SH2D4A: variants seen among roughly 807,000 people sequenced by gnomAD.
SH2D4A encodes the protein SH2 domain containing 4A, also known as SH2 domain-containing protein 4A.
Under a neutral mutation model 64.7 loss-of-function variants are expected in SH2D4A, and 70 were observed. The ratio of observed to expected loss-of-function variants is 1.08; its 90% CI spans 0.89 to 1.32. The LOEUF is 1.32. Ranked by LOEUF, SH2D4A falls within the 40% of genes most tolerant of loss-of-function variation. The probability of loss-of-function intolerance (pLI) is 0.00; values close to 1 mark genes in which losing one functional copy is unlikely to be tolerated. For missense variants in SH2D4A, 706 were observed against 540.1 expected (o/e 1.31, Z -3.04); for synonymous variants, 268 against 200.7 (o/e 1.34, Z -2.83).
intron 4 of SH2D4A, among the ~76,000 whole-genome samples, chr8:19,341,029 A>G (rs2052521599): frequency 6.6e-6 from 1 of 152,226 alleles, no homozygotes; most frequent in Admixed American, 6.5e-5. Flanking sequence ...CAAATGTTCA[A>G]AGAGATTAAG....
chr8:19,376,899 T>C (rs1018470022), intron 8 of SH2D4A, among the ~76,000 whole-genome samples: 15 of 152,296 alleles, frequency 9.8e-5, no homozygotes, highest in Admixed American at 9.1e-4. Flanking sequence ...ACCACAGGCA[T>C]GAAAGATCAT....
chr8:19,351,495 C>T (rs1047357881), intron 4 of SH2D4A, among the ~76,000 whole-genome samples: 13 of 151,764 alleles, frequency 8.6e-5, no homozygotes, highest in Non-Finnish European at 1.5e-4. Context: ...CCCAGCTACT[C>T]GGGAGGCTGA....
chr8:19,373,717 A>T (rs995890755), intron 8 of SH2D4A, 57 bp downstream of exon 8: 1 of 1,535,450 alleles, frequency 6.5e-7, no homozygotes, highest in Admixed American at 1.9e-5. Flanking sequence ...AAGCTGTGCT[A>T]ATCTACCAGG....
At chr8:19,382,331 G>C (rs1420602244) in intron 8 of SH2D4A, among the ~76,000 whole-genome samples, 4 of 152,150 alleles carry the variant, frequency 2.6e-5, no homozygotes, top group African/African-American at 9.6e-5. Context: ...TCAGTATTTT[G>C]AATATGCAGA....
chr8:19,368,665 A>G (rs1051951121), intron 7 of SH2D4A, among the ~76,000 whole-genome samples: 3 of 135,956 alleles, frequency 2.2e-5, no homozygotes, highest in Non-Finnish European at 4.7e-5. Flanking sequence ...TAGAGATGCT[A>G]CTGATTTTTG....
intron 3 of SH2D4A, 78 bp downstream of exon 3, chr8:19,333,192 A>C: frequency 2.0e-6 from 3 of 1,484,836 alleles, no homozygotes; most frequent in African/African-American, 1.4e-5. Flanking sequence ...CCTCTTGCTC[A>C]CAGTATCAGG....
At chr8:19,321,205 T>A (rs1585142944) in intron 2 of SH2D4A, among the ~76,000 whole-genome samples, 1 of 7,126 alleles carries the variant, frequency 1.4e-4, no homozygotes, top group East Asian at 2.4e-3. Flanking sequence ...GAGAAGTTCA[T>A]TTTTTTTTTT....
chr8:19,357,253 C>A lies in SH2D4A; in HGVS notation c.564C>A (p.Ile188=). 1.2e-6 allele frequency: 2 copies of A among 1,613,978 alleles called. No individual in the cohort carries two copies. Among genetic ancestry groups the A allele is most frequent in the Middle Eastern group, 3.3e-4 (2 of 6,062 alleles). ...RNIQQMLADS[I]NRMKAYAFHQ... is the part of the protein sequence containing the mutation. ...TTCAACAAATGTTGGCAGATTCAAT[C>A]AATCGTATGAAGGCATATGCATTTC... The change falls in exon 5 of 10, where the codon ATC becomes ATA. Residue 188 remains isoleucine (I), a synonymous_variant. Coordinates refer to ENST00000265807, the MANE Select transcript of SH2D4A (RefSeq NM_022071.4).
At position 19,364,194 on chromosome 8, in the gene SH2D4A, T is replaced by C. The variant is rs11996859; in HGVS notation, c.829T>C (p.Leu277=). The part of the protein sequence containing the change: ...GRGGERLQSP[L]RVPQKPERPP... ...AGGCGGTGAGAGGCTGCAAAGCCCC[T>C]TGCGTGTTCCGCAGAAACCAGAAAG... The change falls in exon 7 of 10, where the codon TTG becomes CTG. Residue 277 remains leucine (L), a synonymous_variant. Transcript: ENST00000265807. 1.2e-3 allele frequency: 1,946 copies of C among 1,614,128 alleles called. 18 individuals are homozygous for C. The African/African-American group carries it at 0.023, about 19-fold the overall frequency.
chr8:19,329,300 T>C lies in SH2D4A; in HGVS notation c.182-3655T>C, dbSNP rs138825410. On this transcript the variant is annotated intron_variant, in intron 2 of 9. Transcript: ENST00000265807. ...CTTAGTAGAAAATCCACTGTGGTTA[T>C]AATGTATGCTGCCCTGGCCCTCCAG... Among the ~76,000 whole-genome samples, 554 of 152,330 alleles carry C rather than the reference T, an allele frequency of 3.6e-3. 2 individuals are homozygous for C. Among genetic ancestry groups the C allele is most frequent in the African/African-American group, 0.011 (463 of 41,582 alleles).
At chr8:19,332,523 C>A (rs993012475) in intron 2 of SH2D4A, among the ~76,000 whole-genome samples, 10 of 151,742 alleles carry the variant, frequency 6.6e-5, no homozygotes, top group Non-Finnish European at 1.5e-4. Context: ...AATGGTGAAA[C>A]CCTGTCTCTA....
At chr8:19,386,678 C>G (rs563982943) in intron 8 of SH2D4A, among the ~76,000 whole-genome samples, 17 of 152,254 alleles carry the variant, frequency 1.1e-4, no homozygotes, top group African/African-American at 3.9e-4. Flanking sequence ...AAGAGAGAGT[C>G]TGCTTTGGGG....
chr8:19,319,249 CTG>C, intron 1 of SH2D4A, 93 bp from the exon 2 acceptor site: 1 of 930,658 alleles, frequency 1.1e-6, no homozygotes, highest in Non-Finnish European at 1.3e-6. Flanking sequence ...AAAAGTGATA[CTG>C]TGTTTCCTCC....
chr8:19,393,603 T>A (rs945780964), intron 9 of SH2D4A, 62 bp downstream of exon 9: 4 of 1,517,124 alleles, frequency 2.6e-6, no homozygotes, highest in Non-Finnish European at 2.7e-6. Context: ...GCTCTAACAA[T>A]GAATGACAAT....
intron 8 of SH2D4A, among the ~76,000 whole-genome samples, chr8:19,385,821 C>G (rs548681578): frequency 2.4e-4 from 36 of 152,294 alleles, no homozygotes; most frequent in Admixed American, 5.9e-4. Context: ...GTCACTACCC[C>G]TAAGTGATCA....
intron 7 of SH2D4A, 103 bp downstream of exon 7, chr8:19,364,385 G>A (rs958476649): frequency 3.9e-6 from 5 of 1,281,882 alleles, no homozygotes; most frequent in Non-Finnish European, 5.4e-6. Context: ...GGGTGTGGAG[G>A]GCCAACTGGC....
intron 7 of SH2D4A, among the ~76,000 whole-genome samples, chr8:19,368,115 A>G (rs2053031616): frequency 1.3e-5 from 2 of 152,146 alleles, no homozygotes; most frequent in Non-Finnish European, 1.5e-5. Context: ...TGAAGAGACT[A>G]TCCTTTCTCC....
chr8:19,395,585 T>C lies in SH2D4A; in HGVS notation c.*943T>C, dbSNP rs2053575726. The C allele has an allele frequency of 6.6e-6, 1 of 151,342 alleles. No homozygotes were observed. Among genetic ancestry groups the C allele is most frequent in the Admixed American group, 6.6e-5 (1 of 15,124 alleles). The allele number at this position is 151,342 out of a possible 1,614,324, so 9.4% of individuals were successfully genotyped here. A position where few individuals can be genotyped will look rare whatever the true frequency, so the allele number is the denominator to read the frequency against. ...CTGGCATCCTTAGGAGAAGAGAGAGTTTTGGTAATAGACACAAATGCAGTG... is the reference window on the plus strand; with the variant it reads ...CTGGCATCCTTAGGAGAAGAGAGAGCTTTGGTAATAGACACAAATGCAGTG... On this transcript the variant is annotated 3_prime_UTR_variant, in exon 10 of 10. Transcript: ENST00000265807.
intron 6 of SH2D4A, among the ~76,000 whole-genome samples, chr8:19,363,058 G>C (rs1369517731): frequency 6.6e-6 from 1 of 151,774 alleles, no homozygotes; most frequent in African/African-American, 2.4e-5. Context: ...CTATACCTTT[G>C]CTATGTTGGG....
Sources: gnomAD v4.1 joint callset for allele counts (sites outside exome capture counted in the v4.1 genomes callset) on GRCh38, gnomAD v4.1.1 for gene constraint, MANE v1.5 for transcripts, NCBI Gene and HGNC (gene_info 2026-07-23, HGNC 2026-07-21) for gene names.